Variants in JAKMIP3 observed in about 807,000 individuals in gnomAD.
JAKMIP3 encodes the protein janus kinase and microtubule-interacting protein 3.
A neutral mutation model predicts 118.5 loss-of-function variants in JAKMIP3; 58 were observed. The observed-to-expected ratio is 0.49, with a 90% CI of 0.40 to 0.61. JAKMIP3 has a LOEUF of 0.61. Among genes scored for constraint, JAKMIP3 ranks in the 20% least tolerant of loss-of-function variants. The probability of loss-of-function intolerance (pLI) is 0.00; values close to 1 mark genes in which losing one functional copy is unlikely to be tolerated. For synonymous variants in JAKMIP3, 486 were observed against 451.2 expected (o/e 1.08, Z -0.98); for missense variants, 950 against 1,109.0 (o/e 0.86, Z 2.04).
chr10:132,180,768 T>TGTGC lies in JAKMIP3; in HGVS notation c.*1104-1588_*1104-1587insTGCG, dbSNP rs1554963475. 4.0e-4 allele frequency among the ~76,000 whole-genome samples: 13 copies of TGTGC among 32,504 alleles called. 4 individuals carry two copies. Among genetic ancestry groups the TGTGC allele is most frequent in the African/African-American group, 1.0e-3 (7 of 6,730 alleles). 21.3% of individuals were successfully genotyped at this position (32,504 alleles called of 152,430 possible). On this transcript the variant is annotated intron_variant, in intron 23 of 23. Transcript: ENST00000684848. Reference sequence around the variant, plus strand: ...GTGCGCGCGCGTGTGTGCGTGTGTGTGCGTGTGTGTGTGTGCGCGTATGCA... The same window carrying TGTGC: ...GTGCGCGCGCGTGTGTGCGTGTGTGTGTGCGCGTGTGTGTGTGTGCGCGTATGCA...
intron 1 of JAKMIP3, among the ~76,000 whole-genome samples, chr10:132,103,137 G>T (rs2045260755): frequency 6.6e-6 from 1 of 152,066 alleles, no homozygotes; most frequent in African/African-American, 2.4e-5. Context: ...CCTGTAACAG[G>T]TGACAGGAGC....
chr10:132,180,691 G>A (rs1221026133), intron 23 of JAKMIP3, among the ~76,000 whole-genome samples: 1 of 37,646 alleles, frequency 2.7e-5, no homozygotes, highest in East Asian at 2.8e-3. Flanking sequence ...GCGTGTGTGT[G>A]CGTGCGTGTG....
At chr10:132,083,855 T>G (rs547705315) in intron 1 of JAKMIP3, among the ~76,000 whole-genome samples, 2 of 152,316 alleles carry the variant, frequency 1.3e-5, no homozygotes, top group South Asian at 4.1e-4. Flanking sequence ...TTGGGTTTAT[T>G]TGAACCCAAA....
At chr10:132,129,875 CTT>C (rs5789115) in intron 3 of JAKMIP3, among the ~76,000 whole-genome samples, 2,511 of 138,796 alleles carry the variant, frequency 0.018, 82 homozygotes, top group African/African-American at 0.06. Context: ...GCATCAGTAC[CTT>C]TTTTTTTTTT....
rs185016888 is a variant in JAKMIP3, at chr10:132,052,132, C to A, written c.-138+15394C>A. ...CCCAGCTACTCAAGAGGCTGAGGGG[C>A]AGAGAACCACCTGAGCCTGGGAGGG... is the stretch of plus-strand genomic sequence containing the variant. On this transcript the variant is annotated intron_variant, in intron 1 of 23. Transcript: ENST00000657785. Among the ~76,000 whole-genome samples the A allele has an allele frequency of 2.6e-4, 40 of 152,268 alleles. 1 individual carries two copies. In the East Asian group the frequency reaches 7.7e-3, roughly 29 times the overall value.
chr10:132,067,972 C>T (rs558460559), intron 1 of JAKMIP3, among the ~76,000 whole-genome samples: 2 of 148,936 alleles, frequency 1.3e-5, no homozygotes, highest in African/African-American at 5.0e-5. Flanking sequence ...GTGGTCTGGA[C>T]TGTGAGCTTC....
intron 22 of JAKMIP3, 86 bp downstream of exon 22, chr10:132,167,141 C>T (rs2058990229): frequency 2.2e-6 from 2 of 922,562 alleles, no homozygotes; most frequent in Non-Finnish European, 3.4e-6. Flanking sequence ...AGGGAGTTGC[C>T]CACCTGCCAT....
At chr10:132,060,598 C>T (rs2038364481), upstream of JAKMIP3, among the ~76,000 whole-genome samples, 1 of 152,150 alleles carries the variant, frequency 6.6e-6, no homozygotes, top group East Asian at 1.9e-4. Flanking sequence ...TTTGCCTCTC[C>T]TGAATGATTA....
intron 2 of JAKMIP3, among the ~76,000 whole-genome samples, chr10:132,113,821 C>T (rs1436874920): frequency 1.3e-5 from 2 of 152,194 alleles, no homozygotes; most frequent in Non-Finnish European, 2.9e-5. Context: ...GACCTGGCAC[C>T]ATTCACGTAA....
At chr10:132,061,328 C>T (rs1392972048), upstream of JAKMIP3, among the ~76,000 whole-genome samples, 1 of 152,212 alleles carries the variant, frequency 6.6e-6, no homozygotes. Context: ...GGAGTAAATG[C>T]ATCACACGTT....
chr10:132,053,648 C>T (rs2038155207), intron 1 of JAKMIP3, among the ~76,000 whole-genome samples: 1 of 152,184 alleles, frequency 6.6e-6, no homozygotes, highest in Non-Finnish European at 1.5e-5. Flanking sequence ...CCTCACCTCG[C>T]TTGCCATTAC....
chr10:132,179,704 C>G lies in JAKMIP3; in HGVS notation c.*1104-2653C>G, dbSNP rs543222081. ...GACTCAGCACACAGTCACACCACAG[C>G]AGGGCCACACCACGGCAGGGTCGCA... On this transcript the variant is annotated intron_variant, in intron 23 of 23. Transcript: ENST00000684848. The surrounding 1 kb of genome is among the most constrained non-coding windows in gnomAD (Gnocchi z 4.3). Among the ~76,000 whole-genome samples the G allele has an allele frequency of 6.6e-6, 1 of 152,156 alleles. No individual in the cohort carries two copies. Among genetic ancestry groups the G allele is most frequent in the South Asian group, 2.1e-4 (1 of 4,812 alleles).
At chr10:132,046,570 C>T (rs773864346) in intron 1 of JAKMIP3, among the ~76,000 whole-genome samples, 4 of 152,270 alleles carry the variant, frequency 2.6e-5, no homozygotes, top group East Asian at 1.9e-4. Flanking sequence ...CCAACCTCAC[C>T]GCCTCGTGCT....
chr10:132,135,862 G>C (rs1018450939), intron 5 of JAKMIP3, 68 bp from the exon 6 acceptor site: 2 of 1,523,380 alleles, frequency 1.3e-6, no homozygotes, highest in African/African-American at 2.8e-5. Flanking sequence ...TCAGTCAGCC[G>C]ACTCTGCGTG....
At chr10:132,039,393 A>C (rs1353257500) in intron 1 of JAKMIP3, among the ~76,000 whole-genome samples, 1 of 113,926 alleles carries the variant, frequency 8.8e-6, no homozygotes, top group African/African-American at 3.5e-5. Flanking sequence ...CGGTTTTGAC[A>C]TCCCCCCATA....
rs1564892791 is a variant in JAKMIP3, at chr10:132,097,927, TCC to T, written c.-137-6742_-137-6741del. 1.4e-4 allele frequency among the ~76,000 whole-genome samples: 5 copies of T among 35,160 alleles called. 1 individual carries two copies. The highest frequency in any genetic ancestry group is 3.9e-4 in the African/African-American group (4 of 10,308). The allele number at this position is 35,160 out of a possible 152,430, so 23.1% of individuals were successfully genotyped here. A position where few individuals can be genotyped will look rare whatever the true frequency, so the allele number is the denominator to read the frequency against. On this transcript the variant is annotated intron_variant, in intron 1 of 23. Transcript: ENST00000684848. ...CTTCCCCTTCCCCTTCCCCTTTCCT[TCC>T]CCTTCCCCTTTCCCTTTCCCATCCC... is the stretch of plus-strand genomic sequence containing the variant.
chr10:132,150,629 G>A (rs565813997), intron 16 of JAKMIP3, among the ~76,000 whole-genome samples: 1 of 151,982 alleles, frequency 6.6e-6, no homozygotes, highest in South Asian at 2.1e-4. Context: ...TATCTATCCT[G>A]TGTAATCCAT....
At chr10:132,159,159 G>A (rs1357415315) in intron 19 of JAKMIP3, among the ~76,000 whole-genome samples, 5 of 133,504 alleles carry the variant, frequency 3.7e-5, no homozygotes, top group Non-Finnish European at 8.0e-5. Context: ...TGATGTTGTG[G>A]GGGTATCTCT....
chr10:132,061,201 C>T (rs11146140), upstream of JAKMIP3, among the ~76,000 whole-genome samples: 66,609 of 120,218 alleles, frequency 0.55, 15,750 homozygotes, highest in Admixed American at 0.65. Context: ...GGCGCACACA[C>T]ACACCTGCCG....
Sources: allele counts gnomAD v4.1 joint callset (sites outside exome capture counted in the v4.1 genomes callset), GRCh38; gene constraint gnomAD v4.1.1; non-coding constraint Gnocchi (gnomAD v3.1); transcripts MANE v1.5; gene names NCBI Gene and HGNC (gene_info 2026-07-23, HGNC 2026-07-21).